The following CHST8 variants were observed in gnomAD, a reference collection of about 807,000 sequenced individuals.
CHST8 encodes carbohydrate sulfotransferase 8, also known as GALNAC-4-ST1.
A neutral mutation model predicts 15.0 loss-of-function variants in CHST8; 10 were observed. The observed-to-expected ratio is 0.67, with a 90% CI of 0.41 to 1.13. The LOEUF (loss-of-function observed/expected upper bound fraction) is 1.13, where lower values mean the gene tolerates loss of function less well. Ranked by LOEUF, CHST8 falls within the 50% of genes most tolerant of loss-of-function variation. The pLI, the probability that CHST8 is intolerant of heterozygous loss-of-function variation, is 0.00. For missense variants in CHST8, 634 were observed against 608.2 expected, an observed-to-expected ratio of 1.04 and a Z score of -0.45; for synonymous variants, 259 against 256.6, an observed-to-expected ratio of 1.01 and a Z score of -0.09.
At chr19:33,743,459 G>A (rs1013882909) in intron 3 of CHST8, among the ~76,000 whole-genome samples, 3 of 151,886 alleles carry the variant, frequency 2.0e-5, no homozygotes, top group Non-Finnish European at 2.9e-5. Context: ...CCACCACCTC[G>A]CCCGGCTAAT....
rs1973217028 is a variant in CHST8, at chr19:33,696,317, C to A, written c.130+6926C>A. 1.3e-5 allele frequency among the ~76,000 whole-genome samples: 2 copies of A among 151,918 alleles called. 1 individual carries two copies. The highest frequency in any genetic ancestry group is 4.1e-4 in the South Asian group (2 of 4,824). On this transcript the variant is annotated intron_variant, in intron 3 of 4. Transcript: ENST00000650847. ...TAGTTCTACTTTTGGTTTTTTAAGGCAGGGGTCTCCAACCCCTGCGTTAGG... is the reference window on the plus strand; with the variant it reads ...TAGTTCTACTTTTGGTTTTTTAAGGAAGGGGTCTCCAACCCCTGCGTTAGG...
chr19:33,675,116 G>A (rs1334275462), intron 2 of CHST8, among the ~76,000 whole-genome samples: 3 of 152,216 alleles, frequency 2.0e-5, no homozygotes, highest in Admixed American at 1.3e-4. Flanking sequence ...GGCCATCCCT[G>A]TGTCCCCATC....
intron 1 of CHST8, among the ~76,000 whole-genome samples, chr19:33,644,856 A>G (rs954443872): frequency 1.3e-5 from 2 of 152,220 alleles, no homozygotes; most frequent in Non-Finnish European, 2.9e-5. Flanking sequence ...GGAAGGGTCA[A>G]GGTGGGCCTC....
chr19:33,746,604 G>T (rs544985872), intron 3 of CHST8, among the ~76,000 whole-genome samples: 75 of 152,340 alleles, frequency 4.9e-4, no homozygotes, highest in Middle Eastern at 3.4e-3. Context: ...CTGTTGATGG[G>T]CATGTTCTTT....
intron 1 of CHST8, among the ~76,000 whole-genome samples, chr19:33,643,399 C>T (rs1972308617): frequency 6.6e-6 from 1 of 152,180 alleles, no homozygotes; most frequent in African/African-American, 2.4e-5. Flanking sequence ...TCTACCAGTT[C>T]TCTGCTCCCT....
chr19:33,695,821 CTTTT>C (rs55695414), intron 3 of CHST8, among the ~76,000 whole-genome samples: 4 of 76,236 alleles, frequency 5.2e-5, no homozygotes, highest in Admixed American at 1.3e-4. Context: ...TTCTTTCTTT[CTTTT>C]TTTTTTTTTT....
intron 3 of CHST8, among the ~76,000 whole-genome samples, chr19:33,750,111 G>A (rs1974385247): frequency 6.6e-6 from 1 of 152,200 alleles, no homozygotes; most frequent in Non-Finnish European, 1.5e-5. Flanking sequence ...TCGCCAAGGG[G>A]GTGCAACAAG....
At chr19:33,744,431 G>A (rs1257044455) in intron 3 of CHST8, 1 of 152,146 alleles carries the variant, frequency 6.6e-6, no homozygotes, top group Non-Finnish European at 1.5e-5. Context: ...GGAAATCTGG[G>A]AATTCAAGAC....
At chr19:33,632,553 A>C (rs1972135465) in intron 1 of CHST8, among the ~76,000 whole-genome samples, 1 of 152,124 alleles carries the variant, frequency 6.6e-6, no homozygotes, top group Non-Finnish European at 1.5e-5. Flanking sequence ...TGTAGTACAC[A>C]TACAGAAAAG....
intron 3 of CHST8, among the ~76,000 whole-genome samples, chr19:33,703,898 G>A (rs1031109756): frequency 2.6e-5 from 4 of 152,140 alleles, no homozygotes; most frequent in Non-Finnish European, 5.9e-5. Context: ...AGCTTAAATC[G>A]GTTCAGTTGT....
intron 3 of CHST8, among the ~76,000 whole-genome samples, chr19:33,754,104 A>T (rs1974498605): frequency 2.0e-5 from 2 of 99,748 alleles, no homozygotes; most frequent in Non-Finnish European, 2.0e-5. Context: ...TCCCCACACC[A>T]TCTCCCCACT....
intron 2 of CHST8, among the ~76,000 whole-genome samples, chr19:33,682,071 T>C (rs913692099): frequency 6.6e-6 from 1 of 151,970 alleles, no homozygotes; most frequent in African/African-American, 2.4e-5. Context: ...GCCAGGCTTG[T>C]CTTGAACTCC....
At chr19:33,749,473 A>C (rs1238677032) in intron 3 of CHST8, among the ~76,000 whole-genome samples, 2 of 105,716 alleles carry the variant, frequency 1.9e-5, no homozygotes, top group African/African-American at 7.3e-5. Flanking sequence ...CCAACCAACC[A>C]CCAATCTCAT....
intron 3 of CHST8, among the ~76,000 whole-genome samples, chr19:33,705,351 G>A (rs539147762): frequency 3.3e-5 from 5 of 152,190 alleles, no homozygotes; most frequent in African/African-American, 1.2e-4. Context: ...CCAGATACCT[G>A]TTCACTGTTC....
chr19:33,652,978 T>C (rs1177280634), intron 1 of CHST8, among the ~76,000 whole-genome samples: 1 of 152,188 alleles, frequency 6.6e-6, no homozygotes, highest in Non-Finnish European at 1.5e-5. Flanking sequence ...CCATCCTATA[T>C]CTTTTGTTGT....
In CHST8 at chr19:33,772,862, C is replaced by T. The variant is rs767576046; in HGVS notation, c.1074C>T (p.Phe358=). 4 of 1,613,440 alleles carry T rather than the reference C, an allele frequency of 2.5e-6. No individual in the cohort carries two copies. Among genetic ancestry groups the T allele is most frequent in the Non-Finnish European group, 3.4e-6 (4 of 1,180,052 alleles). Residue 358 remains phenylalanine, a synonymous_variant, in exon 5 of 5, where the codon TTC becomes TTT. Coordinates refer to ENST00000650847, the MANE Select transcript of CHST8 (RefSeq NM_001127895.2). ...FESMEDDANF[F]LSLIRAPRNL... is the part of the protein sequence containing the mutation. Reference sequence around the variant, plus strand: ...GCATGGAGGACGATGCCAACTTCTTCCTGAGCCTCATCCGCGCGCCGCGGA... The same window carrying T: ...GCATGGAGGACGATGCCAACTTCTTTCTGAGCCTCATCCGCGCGCCGCGGA...
intron 2 of CHST8, among the ~76,000 whole-genome samples, chr19:33,669,158 C>T (rs1030940978): frequency 2.0e-5 from 3 of 152,196 alleles, no homozygotes; most frequent in Admixed American, 6.5e-5. Context: ...GACACACATA[C>T]GCATTCCTGC....
At chr19:33,660,224 A>G (rs1484003525) in intron 1 of CHST8, among the ~76,000 whole-genome samples, 2 of 152,084 alleles carry the variant, frequency 1.3e-5, no homozygotes, top group African/African-American at 4.8e-5. Context: ...CATTTGTACC[A>G]TCTCTTAGAT....
chr19:33,640,134 G>A (rs181272508), intron 1 of CHST8, among the ~76,000 whole-genome samples: 12 of 152,112 alleles, frequency 7.9e-5, no homozygotes, highest in African/African-American at 2.7e-4. Context: ...AAGCCACTGC[G>A]CCCAGCAAAG....
Sources: allele counts gnomAD v4.1 joint callset (sites outside exome capture counted in the v4.1 genomes callset), GRCh38; gene constraint gnomAD v4.1.1; transcripts MANE v1.5; gene names NCBI Gene and HGNC (gene_info 2026-07-23, HGNC 2026-07-21).